Variants in NPEPL1 observed in about 807,000 individuals in gnomAD.
The protein encoded by NPEPL1 is probable aminopeptidase NPEPL1.
A neutral mutation model predicts 52.4 loss-of-function variants in NPEPL1; 45 were observed. The ratio of observed to expected loss-of-function variants is 0.86; its 90% CI spans 0.68 to 1.10. The LOEUF (loss-of-function observed/expected upper bound fraction) is 1.10. Ranked by LOEUF, NPEPL1 falls within the 50% of genes least tolerant of loss-of-function variation. The pLI is 0.00. For missense variants in NPEPL1, 696 were observed against 710.9 expected, an observed-to-expected ratio of 0.98 and a Z score of 0.24; for synonymous variants, 360 against 314.7, an observed-to-expected ratio of 1.14 and a Z score of -1.52.
upstream of NPEPL1, among the ~76,000 whole-genome samples, chr20:58,690,702 G>C (rs536501182): frequency 6.6e-6 from 1 of 152,252 alleles, no homozygotes; most frequent in East Asian, 1.9e-4. Flanking sequence ...AACAAATGTT[G>C]GTTGAATTGA....
chr20:58,701,830 C>T (rs769901353), intron 6 of NPEPL1, among the ~76,000 whole-genome samples: 50 of 152,170 alleles, frequency 3.3e-4, no homozygotes, highest in Non-Finnish European at 5.9e-4. Flanking sequence ...GGGAACATCC[C>T]GGTGCGGTGG....
At chr20:58,703,382 T>C in intron 6 of NPEPL1, 1 of 793,746 alleles carries the variant, frequency 1.3e-6, no homozygotes, top group Non-Finnish European at 1.5e-6. Flanking sequence ...ATAAGCAAAC[T>C]GACTTCTAGT....
At chr20:58,701,960 C>CCAT (rs1269657178) in intron 6 of NPEPL1, among the ~76,000 whole-genome samples, 1 of 152,194 alleles carries the variant, frequency 6.6e-6, no homozygotes, top group Non-Finnish European at 1.5e-5. Context: ...CTCCTCCGCA[C>CCAT]CATCTCCATC....
intron 6 of NPEPL1, chr20:58,703,519 TG>T: frequency 1.0e-6 from 1 of 985,328 alleles, no homozygotes; most frequent in Non-Finnish European, 1.2e-6. Flanking sequence ...ACATTCTGGC[TG>T]GTAGAGTCGT....
intron 6 of NPEPL1, chr20:58,703,667 C>T (rs1464869111): frequency 9.1e-6 from 9 of 985,238 alleles, no homozygotes; most frequent in African/African-American, 1.7e-5. Flanking sequence ...AATATCGTTG[C>T]ACCTGACTTC....
chr20:58,693,757 C>T lies in NPEPL1; in HGVS notation c.171C>T (p.Ser57=), dbSNP rs1360164872. The T allele has an allele frequency of 2.5e-6, 4 of 1,609,010 alleles. No individual in the cohort carries two copies. In the Admixed American group the frequency reaches 6.7e-5, roughly 27 times the overall value. ...TCTAGCTCTGGCAGGCTGCCCTGAG[C>T]ACGCTCAACCCCAACCCCACGGACA... ...VTEELWQAAL[S]TLNPNPTDSC... Residue 57 remains serine (S), a synonymous_variant, in exon 2 of 12, where the codon AGC becomes AGT. Coordinates refer to ENST00000356091, the MANE Select transcript of NPEPL1 (RefSeq NM_024663.4).
At chr20:58,708,933 C>T (rs938995676) in intron 7 of NPEPL1, among the ~76,000 whole-genome samples, 13 of 152,128 alleles carry the variant, frequency 8.5e-5, no homozygotes, top group African/African-American at 3.1e-4. Flanking sequence ...TGCCGTTCAC[C>T]CCTGGTTACT....
chr20:58,713,933 A>G lies in NPEPL1; in HGVS notation c.1142A>G (p.Lys381Arg). The change falls in exon 10 of 12, where the codon AAG becomes AGG. Residue 381 changes from lysine (K) to arginine (R), a missense_variant. Transcript: ENST00000356091. The surrounding 1 kb of genome is among the most constrained non-coding windows in gnomAD (Gnocchi z 4.6). ...CCCGCCCAGGGCATTGCCACAGGGA[A>G]GTACCACGCCGCGGTGCTCACCAAC... ...LTGAQGIATG[K>R]YHAAVLTNSA... The G allele has an allele frequency of 1.3e-6, 2 of 1,491,406 alleles. No homozygotes were observed. Among genetic ancestry groups the G allele is most frequent in the Admixed American group, 2.7e-5 (1 of 37,050 alleles). The allele number at this position is 1,491,406 out of a possible 1,614,324, so 92.4% of individuals were successfully genotyped here. A position where few individuals can be genotyped will look rare whatever the true frequency, so the allele number is the denominator to read the frequency against.
chr20:58,714,685 T>C lies in NPEPL1; in HGVS notation c.1413+15T>C. ...CGGTGCATGCTGTGAGTGTCTCCCC[T>C]CCCCACTGGCCCTGGCTGCTCCCGC... On this transcript the variant is annotated intron_variant, in intron 11 of 11. Transcript: ENST00000356091. 1 of 1,562,012 alleles carries C rather than the reference T, an allele frequency of 6.4e-7. No homozygotes were observed. The highest frequency in any genetic ancestry group is 8.7e-7 in the Non-Finnish European group (1 of 1,152,882).
upstream of NPEPL1, chr20:58,691,692 T>A: frequency 1.3e-6 from 1 of 753,708 alleles, no homozygotes; most frequent in Non-Finnish European, 2.0e-6. Flanking sequence ...TTTTTTCTTT[T>A]CTTTTTTTTT....
chr20:58,701,871 C>A (rs2123112719), intron 6 of NPEPL1, among the ~76,000 whole-genome samples: 1 of 152,310 alleles, frequency 6.6e-6, no homozygotes, highest in Non-Finnish European at 1.5e-5. Flanking sequence ...GTACGGCTTT[C>A]TGTCCTGCCA....
At chr20:58,692,094 G>A (rs1430731167), upstream of NPEPL1, 1 of 488,502 alleles carries the variant, frequency 2.0e-6, no homozygotes, top group African/African-American at 1.9e-5. This position sits in a 1 kb window ranked among gnomAD's most constrained non-coding sequence, Gnocchi z 5.7. Context: ...GACTGTGCCA[G>A]ATGACCCTTC....
chr20:58,700,359 C>A (rs761017594), intron 5 of NPEPL1, among the ~76,000 whole-genome samples: 1 of 152,150 alleles, frequency 6.6e-6, no homozygotes, highest in Non-Finnish European at 1.5e-5. Flanking sequence ...TAGACAGGAG[C>A]CATTTACAAG....
upstream of NPEPL1, chr20:58,691,964 C>T (rs760859579): frequency 1.0e-4 from 69 of 677,086 alleles, 1 homozygote; most frequent in Non-Finnish European, 1.7e-4. Context: ...CCCCTGGCTC[C>T]TCCACCACCC....
At chr20:58,711,084 CG>C (rs1323940583) in intron 7 of NPEPL1, 2 of 107,390 alleles carry the variant, frequency 1.9e-5, no homozygotes, top group Non-Finnish European at 3.6e-5. Context: ...CCTCCCCCCC[CG>C]CCTCCTCTCC....
intron 7 of NPEPL1, among the ~76,000 whole-genome samples, chr20:58,709,824 G>A (rs930394183): frequency 3.9e-5 from 6 of 152,178 alleles, no homozygotes; most frequent in East Asian, 1.9e-4. Flanking sequence ...CTATGCAGTC[G>A]CCCAGATTAA....
In NPEPL1 at chr20:58,715,611, C is replaced by T; in HGVS notation, c.*285C>T. 1 of 280,466 alleles carries T rather than the reference C, an allele frequency of 3.6e-6. No homozygotes were observed. 17.4% of individuals were successfully genotyped at this position (280,466 alleles called of 1,614,324 possible). A position where few individuals can be genotyped will look rare whatever the true frequency, so the allele number is the denominator to read the frequency against. ...GGCCTTCTGCACCCCGGGGTGAGGC[C>T]TCCTGCCTGCCTGGTGCCCTGTCCC... is the stretch of plus-strand genomic sequence containing the variant. On this transcript the variant is annotated 3_prime_UTR_variant, in exon 12 of 12. Transcript: ENST00000356091.
chr20:58,706,695 T>G (rs1232026810), intron 6 of NPEPL1, among the ~76,000 whole-genome samples: 1 of 144,262 alleles, frequency 6.9e-6, no homozygotes, highest in South Asian at 2.2e-4. Context: ...GTGGAGAGAG[T>G]GGCCCTGCAG....
Position 58,708,557 on chromosome 20 carries a change from A to G in NPEPL1, c.900+1357A>G, listed in dbSNP as rs2084779059. ...GCACCTGCCGTGGCCCGTCCACTGC[A>G]GAGCCTGTCGGAAGAGGCTGGAGGA... On this transcript the variant is annotated intron_variant, in intron 7 of 11. Transcript: ENST00000356091. Among the ~76,000 whole-genome samples, 4 of 151,998 alleles carry G rather than the reference A, an allele frequency of 2.6e-5. No homozygotes were observed. The South Asian group carries it at 8.3e-4, about 31-fold the overall frequency.
Sources: gnomAD v4.1 joint callset for allele counts (sites outside exome capture counted in the v4.1 genomes callset) on GRCh38, gnomAD v4.1.1 for gene constraint, Gnocchi (gnomAD v3.1) non-coding constraint, MANE v1.5 for transcripts, NCBI Gene and HGNC (gene_info 2026-07-23, HGNC 2026-07-21) for gene names.